Variants in RBFOX1 observed in about 807,000 individuals in gnomAD.
RBFOX1 encodes the protein RNA binding fox-1 homolog 1.
RBFOX1 carries 8 observed loss-of-function variants against 57.7 expected under a neutral mutation model. The ratio of observed to expected loss-of-function variants is 0.14; its 90% CI spans 0.08 to 0.25. The LOEUF (loss-of-function observed/expected upper bound fraction) is 0.25. RBFOX1 is among the 10% of genes least tolerant of loss of function. The pLI is 1.00. For synonymous variants in RBFOX1, 326 were observed against 222.4 expected, an observed-to-expected ratio of 1.47 and a Z score of -4.15; for missense variants, 611 against 548.5, an observed-to-expected ratio of 1.11 and a Z score of -1.14.
intron 4 of RBFOX1, among the ~76,000 whole-genome samples, chr16:5,914,861 C>G (rs563105664): frequency 1.6e-4 from 25 of 152,190 alleles, no homozygotes; most frequent in African/African-American, 5.8e-4. Flanking sequence ...TGCCACTGCA[C>G]TCCAGCCTAG....
chr16:5,609,249 T>C (rs2151238134), intron 3 of RBFOX1, among the ~76,000 whole-genome samples: 1 of 152,330 alleles, frequency 6.6e-6, no homozygotes, highest in Non-Finnish European at 1.5e-5. Flanking sequence ...ATTACCCGAA[T>C]TGGTAGATGC....
chr16:7,705,286 C>G (rs1218640985), intron 14 of RBFOX1, among the ~76,000 whole-genome samples: 1 of 152,014 alleles, frequency 6.6e-6, no homozygotes, highest in Non-Finnish European at 1.5e-5. Context: ...GCAGGAGGAT[C>G]ACGAGGTCAG....
intron 2 of RBFOX1, among the ~76,000 whole-genome samples, chr16:6,549,545 AGGAGGATGGGAGGAGG>A (rs2096953852): frequency 1.1e-5 from 1 of 93,852 alleles, no homozygotes; most frequent in Non-Finnish European, 2.1e-5. Context: ...GGAGGGGAGG[AGGAGGATGGGAGGAGG>A]GGAGGAAGGG....
Position 7,504,734 on chromosome 16 carries a change from TA to T in RBFOX1, c.28-13412del, listed in dbSNP as rs1188064070. Among the ~76,000 whole-genome samples, 58 of 7,522 alleles carry T rather than the reference TA, an allele frequency of 7.7e-3. 5 individuals are homozygous for T. The highest frequency in any genetic ancestry group is 0.011 in the African/African-American group (39 of 3,594). 4.9% of individuals were successfully genotyped at this position (7,522 alleles called of 152,430 possible). On this transcript the variant is annotated intron_variant, in intron 4 of 15. Coordinates refer to ENST00000550418, the MANE Select transcript of RBFOX1 (RefSeq NM_018723.4). ...TTATATATATATATATATATATATA[TA>T]TATATATATATATATATATTTATAT...
intron 4 of RBFOX1, among the ~76,000 whole-genome samples, chr16:7,233,919 C>G (rs2093637373): frequency 6.6e-6 from 1 of 152,134 alleles, no homozygotes; most frequent in South Asian, 2.1e-4. Flanking sequence ...ACTCTTTGGC[C>G]AATGGACAAA....
intron 4 of RBFOX1, among the ~76,000 whole-genome samples, chr16:7,409,467 A>G (rs557341004): frequency 1.3e-5 from 2 of 152,350 alleles, no homozygotes; most frequent in South Asian, 4.1e-4. Flanking sequence ...CAGAATGCAG[A>G]AAACAGCACA....
At chr16:7,125,722 T>G (rs1357963214) in intron 4 of RBFOX1, among the ~76,000 whole-genome samples, 3 of 152,002 alleles carry the variant, frequency 2.0e-5, no homozygotes, top group Admixed American at 1.3e-4. Flanking sequence ...ATGCCTAAAC[T>G]CCCTTTGTTT....
chr16:5,524,486 C>G (rs2044156047), intron 2 of RBFOX1, among the ~76,000 whole-genome samples: 3 of 151,248 alleles, frequency 2.0e-5, no homozygotes, highest in African/African-American at 7.3e-5. Flanking sequence ...ATTTATATTC[C>G]TTTCGGTTTA....
intron 4 of RBFOX1, among the ~76,000 whole-genome samples, chr16:7,483,826 G>C (rs570722874): frequency 4.8e-4 from 73 of 152,324 alleles, no homozygotes; most frequent in African/African-American, 1.6e-3. Context: ...GCTTTAACTG[G>C]TTTATAGCAG....
intron 5 of RBFOX1, among the ~76,000 whole-genome samples, chr16:7,527,071 G>T (rs1244712470): frequency 6.6e-6 from 1 of 152,194 alleles, no homozygotes; most frequent in East Asian, 1.9e-4. Context: ...TTTGAGACCT[G>T]CGCCTTGAGC....
chr16:6,665,980 GT>G (rs1344078465), intron 3 of RBFOX1, among the ~76,000 whole-genome samples: 1 of 152,042 alleles, frequency 6.6e-6, no homozygotes, highest in African/African-American at 2.4e-5. Context: ...CATGGGTATG[GT>G]TTCCCCCACC....
At position 5,424,831 on chromosome 16, in the gene RBFOX1, C is replaced by CTCTT. The variant is rs71404520; in HGVS notation, c.220-42369_220-42366dup. The stretch of plus-strand genomic sequence containing the variant: ...GTTTTCTCTTCTCCTCTCCTCTCCT[C>CTCTT]TCTTTCTTTCTTTCTTTCTCTCTCT... On this transcript the variant is annotated intron_variant, in intron 1 of 2. Transcript: ENST00000585867. Among the ~76,000 whole-genome samples, 1,408 of 145,926 alleles carry CTCTT rather than the reference C, an allele frequency of 9.6e-3. 48 individuals are homozygous for CTCTT. Among genetic ancestry groups the CTCTT allele is most frequent in the African/African-American group, 0.037 (1,323 of 36,058 alleles).
chr16:6,081,369 C>G (rs1282670923), intron 1 of RBFOX1, among the ~76,000 whole-genome samples: 2 of 152,190 alleles, frequency 1.3e-5, no homozygotes, highest in African/African-American at 2.4e-5. Flanking sequence ...GTTCAGGTCT[C>G]TGTTATCTTG....
At chr16:5,803,837 C>T (rs1358101859) in intron 3 of RBFOX1, among the ~76,000 whole-genome samples, 1 of 152,110 alleles carries the variant, frequency 6.6e-6, no homozygotes, top group African/African-American at 2.4e-5. Context: ...TTGCTTCTTT[C>T]CTCTCCTGGT....
At chr16:7,102,739 C>A (rs1401888059) in intron 4 of RBFOX1, among the ~76,000 whole-genome samples, 1 of 152,114 alleles carries the variant, frequency 6.6e-6, no homozygotes, top group African/African-American at 2.4e-5. Flanking sequence ...AGTTTGGAGA[C>A]TTAACATTAA....
At chr16:5,401,860 G>A (rs1428312537) in intron 1 of RBFOX1, among the ~76,000 whole-genome samples, 7 of 149,872 alleles carry the variant, frequency 4.7e-5, no homozygotes, top group African/African-American at 1.2e-4. Flanking sequence ...TCTGTCTCTC[G>A]TCATCGTCGT....
rs188361253 is a variant in RBFOX1 at position 6,148,156 on chromosome 16, C to T, written c.-127+128164C>T. 3.4e-3 allele frequency among the ~76,000 whole-genome samples: 512 copies of T among 152,258 alleles called. 4 individuals carry two copies. Among genetic ancestry groups the T allele is most frequent in the African/African-American group, 0.012 (478 of 41,556 alleles). ...CCAGCCCGGCAAACATGGTGAAACC[C>T]GTCTCTACTAAAATACAGAAATTAG... On this transcript the variant is annotated intron_variant, in intron 1 of 15. Transcript: ENST00000550418.
At chr16:5,818,426 A>G (rs1446540619) in intron 3 of RBFOX1, among the ~76,000 whole-genome samples, 5 of 152,208 alleles carry the variant, frequency 3.3e-5, no homozygotes, top group East Asian at 3.9e-4. Flanking sequence ...GGAGAGGTCT[A>G]TAAGGAACAG....
At chr16:6,421,045 G>A (rs2093757706) in intron 2 of RBFOX1, among the ~76,000 whole-genome samples, 1 of 152,164 alleles carries the variant, frequency 6.6e-6, no homozygotes, top group South Asian at 2.1e-4. Flanking sequence ...TAATTGCTAG[G>A]CAATAGAAGA....
Sources: gnomAD v4.1 joint callset for allele counts (sites outside exome capture counted in the v4.1 genomes callset) on GRCh38, gnomAD v4.1.1 for gene constraint, MANE v1.5 for transcripts, NCBI Gene and HGNC (gene_info 2026-07-23, HGNC 2026-07-21) for gene names.